The following EPB41 variants were observed in gnomAD, a reference collection of about 807,000 sequenced individuals.
The protein encoded by EPB41 is protein 4.1.
In EPB41, 65 loss-of-function variants were observed where a neutral mutation model predicts 108.0. The ratio of observed to expected loss-of-function variants is 0.60; its 90% CI spans 0.49 to 0.74. The LOEUF (loss-of-function observed/expected upper bound fraction) is 0.74, where lower values mean the gene tolerates loss of function less well. EPB41 is among the 30% of genes least tolerant of loss of function. EPB41 has a pLI of 0.00. For missense variants in EPB41, 875 were observed against 1,037.0 expected (o/e 0.84, Z 2.15); for synonymous variants, 336 against 358.9 (o/e 0.94, Z 0.72).
upstream of EPB41, among the ~76,000 whole-genome samples, chr1:28,912,391 C>T (rs1162758939): frequency 6.6e-6 from 1 of 152,038 alleles, no homozygotes; most frequent in Non-Finnish European, 1.5e-5. Context: ...AGGTGGTTTT[C>T]AAGGGGTTTT....
intron 1 of EPB41, chr1:28,982,574 C>G (rs1304424262): frequency 6.6e-7 from 1 of 1,505,198 alleles, no homozygotes; most frequent in African/African-American, 1.4e-5. Context: ...CCAGCCAGGA[C>G]AAGCACCACC....
At chr1:28,956,372 T>TAATAAATAAG (rs2094951334) in intron 1 of EPB41, among the ~76,000 whole-genome samples, 1 of 152,170 alleles carries the variant, frequency 6.6e-6, no homozygotes, top group South Asian at 2.1e-4. Context: ...GTTTTACACC[T>TAATAAATAAG]CCAGCATAAA....
At chr1:29,007,925 G>C (rs1052866292) in intron 4 of EPB41, among the ~76,000 whole-genome samples, 6 of 152,070 alleles carry the variant, frequency 3.9e-5, no homozygotes, top group Non-Finnish European at 1.5e-5. Flanking sequence ...ATGTATATCT[G>C]GTCCAAATTT....
chr1:28,912,990 T>G (rs528037277), upstream of EPB41, among the ~76,000 whole-genome samples: 8 of 152,192 alleles, frequency 5.3e-5, no homozygotes, highest in African/African-American at 1.9e-4. Context: ...GTTTTTGTTT[T>G]TAGGGATGGA....
intron 1 of EPB41, among the ~76,000 whole-genome samples, chr1:28,977,255 T>C (rs1357623380): frequency 2.6e-5 from 4 of 152,222 alleles, no homozygotes; most frequent in Non-Finnish European, 5.9e-5. Context: ...GGAAATTTTA[T>C]TAATGCTGCC....
At chr1:28,918,300 C>T (rs939954238) in intron 1 of EPB41, among the ~76,000 whole-genome samples, 4 of 151,926 alleles carry the variant, frequency 2.6e-5, no homozygotes, top group African/African-American at 4.8e-5. Context: ...GATCTGCCCA[C>T]GTCCGCCTCC....
chr1:28,976,909 G>A (rs1015942025), intron 1 of EPB41, among the ~76,000 whole-genome samples: 1 of 152,066 alleles, frequency 6.6e-6, no homozygotes, highest in Non-Finnish European at 1.5e-5. Context: ...TTGGAGTGCA[G>A]TGGTGGGATC....
intron 14 of EPB41, among the ~76,000 whole-genome samples, 167 bp from the exon 15 acceptor site, chr1:29,060,255 C>T (rs891297250): frequency 4.6e-5 from 7 of 152,172 alleles, no homozygotes; most frequent in African/African-American, 1.7e-4. Flanking sequence ...TTGTGGTAAT[C>T]ATGTTCTGTG....
At chr1:28,912,440 CT>C (rs1391400254), upstream of EPB41, among the ~76,000 whole-genome samples, 3 of 152,042 alleles carry the variant, frequency 2.0e-5, no homozygotes, top group African/African-American at 7.2e-5. Context: ...ACGTGCTCAG[CT>C]CAGTGCTAAC....
chr1:29,041,956 T>C (rs1425179069), intron 11 of EPB41, among the ~76,000 whole-genome samples: 1 of 152,128 alleles, frequency 6.6e-6, no homozygotes, highest in Non-Finnish European at 1.5e-5. Flanking sequence ...ACTTAATGAG[T>C]TCCCCCCACA....
At chr1:28,961,063 A>G (rs1268012683) in intron 1 of EPB41, among the ~76,000 whole-genome samples, 1 of 150,350 alleles carries the variant, frequency 6.7e-6, no homozygotes, top group Non-Finnish European at 1.5e-5. Context: ...AAAGATGGCT[A>G]TCACTTTGGA....
intron 1 of EPB41, among the ~76,000 whole-genome samples, chr1:28,942,499 A>G (rs2094328635): frequency 6.6e-6 from 1 of 152,260 alleles, no homozygotes; most frequent in Non-Finnish European, 1.5e-5. Flanking sequence ...GAGAATACAG[A>G]TGAAAAGCAA....
chr1:29,024,510 G>A (rs2096692955), intron 7 of EPB41, among the ~76,000 whole-genome samples: 2 of 151,584 alleles, frequency 1.3e-5, no homozygotes, highest in South Asian at 2.1e-4. Flanking sequence ...GCACGCGCCT[G>A]TAATCCCAGC....
intron 16 of EPB41, chr1:29,069,037 C>T (rs1313901406): frequency 1.2e-6 from 1 of 816,180 alleles, no homozygotes; most frequent in Non-Finnish European, 1.6e-6. Context: ...AATATGTTTT[C>T]AGAGAGAAAA....
chr1:29,028,577 T>C, intron 7 of EPB41, among the ~76,000 whole-genome samples: 1 of 152,212 alleles, frequency 6.6e-6, no homozygotes, highest in East Asian at 1.9e-4. Context: ...TTACAAGTAC[T>C]GAAGCCTGGA....
intron 5 of EPB41, among the ~76,000 whole-genome samples, chr1:29,012,870 C>T (rs1206110568): frequency 6.6e-6 from 1 of 152,044 alleles, no homozygotes; most frequent in African/African-American, 2.4e-5. Flanking sequence ...TTTTAAAATG[C>T]AAGTCAGAGC....
chr1:28,976,957 A>G (rs1195040363), intron 1 of EPB41, among the ~76,000 whole-genome samples: 1 of 152,076 alleles, frequency 6.6e-6, no homozygotes, highest in Non-Finnish European at 1.5e-5. Flanking sequence ...GGTTCAAGCC[A>G]TTCTCCTGCC....
At chr1:29,035,127 G>C (rs886995744) in intron 9 of EPB41, among the ~76,000 whole-genome samples, 2 of 151,626 alleles carry the variant, frequency 1.3e-5, no homozygotes, top group Admixed American at 6.6e-5. Flanking sequence ...AATTACAGGC[G>C]CGTGCCACCA....
At chr1:29,003,755 G>A (rs1557988254) in intron 4 of EPB41, among the ~76,000 whole-genome samples, 1 of 152,134 alleles carries the variant, frequency 6.6e-6, no homozygotes, top group Non-Finnish European at 1.5e-5. Flanking sequence ...TATTGCTAGG[G>A]TCTGGCAAGA....
Sources: allele counts gnomAD v4.1 joint callset (sites outside exome capture counted in the v4.1 genomes callset), GRCh38; gene constraint gnomAD v4.1.1; transcripts MANE v1.5; gene names NCBI Gene and HGNC (gene_info 2026-07-23, HGNC 2026-07-21).